PARP8: variants seen among roughly 807,000 people sequenced by gnomAD.
PARP8 encodes the protein poly(ADP-ribose) polymerase family member 8, also known as protein mono-ADP-ribosyltransferase PARP8.
Under a neutral mutation model 124.1 loss-of-function variants are expected in PARP8, and 51 were observed. That is an observed-to-expected ratio of 0.41 (90% CI 0.33 to 0.52). The LOEUF is 0.52. Among genes scored for constraint, PARP8 ranks in the 20% least tolerant of loss-of-function variants. The pLI, the probability that PARP8 is intolerant of heterozygous loss-of-function variation, is 0.21. For missense variants in PARP8, 860 were observed against 1,018.9 expected (o/e 0.84, Z 2.12); for synonymous variants, 391 against 361.5 (o/e 1.08, Z -0.93).
At chr5:50,698,596 AC>A (rs1753273257) in intron 2 of PARP8, among the ~76,000 whole-genome samples, 1 of 152,148 alleles carries the variant, frequency 6.6e-6, no homozygotes, top group African/African-American at 2.4e-5. Context: ...CCCCCAAAGC[AC>A]AGTGGAGAGC....
chr5:50,802,818 C>A (rs185343984), intron 14 of PARP8, among the ~76,000 whole-genome samples: 118 of 152,190 alleles, frequency 7.8e-4, no homozygotes, highest in African/African-American at 2.8e-3. Context: ...TCAAATGTAT[C>A]AATGTATTAT....
chr5:50,796,587 G>A (rs1235430082), intron 12 of PARP8, among the ~76,000 whole-genome samples: 3 of 152,170 alleles, frequency 2.0e-5, no homozygotes, highest in African/African-American at 7.2e-5. Flanking sequence ...GACACTTTCA[G>A]TAGCTGTCTA....
chr5:50,674,489 G>A (rs1750390137), intron 2 of PARP8, among the ~76,000 whole-genome samples: 1 of 152,172 alleles, frequency 6.6e-6, no homozygotes, highest in African/African-American at 2.4e-5. Context: ...TTGATTTTGA[G>A]TTTCTTATCC....
chr5:50,838,366 G>T (rs921056602), intron 25 of PARP8, among the ~76,000 whole-genome samples: 3 of 151,884 alleles, frequency 2.0e-5, no homozygotes, highest in Non-Finnish European at 4.4e-5. Context: ...ATATCAAAAG[G>T]TCATTAGTTC....
At chr5:50,704,026 G>A (rs2149479260) in intron 2 of PARP8, among the ~76,000 whole-genome samples, 1 of 151,860 alleles carries the variant, frequency 6.6e-6, no homozygotes, top group East Asian at 1.9e-4. Flanking sequence ...TTTTATTGTT[G>A]CTAATCTTTT....
At chr5:50,717,908 T>C (rs1561284103) in intron 2 of PARP8, among the ~76,000 whole-genome samples, 1 of 151,700 alleles carries the variant, frequency 6.6e-6, no homozygotes, top group African/African-American at 2.4e-5. Context: ...TTGTTGATTA[T>C]ACTAACAAGC....
At chr5:50,819,373 A>C (rs192611905) in intron 15 of PARP8, among the ~76,000 whole-genome samples, 33 of 148,020 alleles carry the variant, frequency 2.2e-4, no homozygotes, top group Non-Finnish European at 4.1e-4. Context: ...GAGCATATCC[A>C]TCTGTGTCAT....
chr5:50,775,855 A>G (rs1255091255), intron 7 of PARP8, among the ~76,000 whole-genome samples: 2 of 152,084 alleles, frequency 1.3e-5, no homozygotes, highest in Non-Finnish European at 2.9e-5. Context: ...GAACAATTTG[A>G]CGTCCTCTTT....
At chr5:50,756,423 A>AT (rs890516005) in intron 3 of PARP8, among the ~76,000 whole-genome samples, 16 of 151,762 alleles carry the variant, frequency 1.1e-4, no homozygotes, top group East Asian at 3.9e-4. Flanking sequence ...CTCTAAACAA[A>AT]TTTTTTTTTA....
chr5:50,718,259 T>C (rs572250468), intron 2 of PARP8, among the ~76,000 whole-genome samples: 9 of 152,152 alleles, frequency 5.9e-5, no homozygotes, highest in African/African-American at 2.2e-4. Context: ...AGGTAAGAGC[T>C]TTGATAAAAC....
chr5:50,673,068 C>G (rs1488838269), intron 2 of PARP8, among the ~76,000 whole-genome samples: 2 of 152,060 alleles, frequency 1.3e-5, no homozygotes, highest in African/African-American at 4.8e-5. Context: ...ACTTTCTCAC[C>G]ATACTTTTAT....
chr5:50,814,051 A>T (rs1310362314), intron 14 of PARP8, among the ~76,000 whole-genome samples: 1 of 152,134 alleles, frequency 6.6e-6, no homozygotes, highest in Non-Finnish European at 1.5e-5. Flanking sequence ...TTGATAAAAG[A>T]ATAAATTCCC....
chr5:50,826,742 A>T lies in PARP8; in HGVS notation c.1929-13A>T. Reference sequence around the variant, plus strand: ...GGCATGTATTTGTGACTAATGGATCATTTTAATTTCAGGGTTATATCAAGT... The same window carrying T: ...GGCATGTATTTGTGACTAATGGATCTTTTTAATTTCAGGGTTATATCAAGT... On this transcript the variant is annotated splice_polypyrimidine_tract_variant and intron_variant, in intron 18 of 25. Transcript: ENST00000281631. 1.9e-6 allele frequency: 3 copies of T among 1,578,714 alleles called. No homozygotes were observed. The highest frequency in any genetic ancestry group is 1.7e-6 in the Non-Finnish European group (2 of 1,168,692).
chr5:50,808,029 T>G (rs1744051715), intron 14 of PARP8, among the ~76,000 whole-genome samples: 1 of 151,982 alleles, frequency 6.6e-6, no homozygotes, highest in South Asian at 2.1e-4. Flanking sequence ...TATCCGGCAT[T>G]AAGCAGATGT....
At chr5:50,788,027 A>G (rs1018821418) in intron 9 of PARP8, among the ~76,000 whole-genome samples, 6 of 149,722 alleles carry the variant, frequency 4.0e-5, no homozygotes, top group African/African-American at 1.5e-4. Flanking sequence ...CTCATCTCCC[A>G]TTGTTTTATT....
chr5:50,767,716 T>G (rs574970496), intron 7 of PARP8, among the ~76,000 whole-genome samples: 2 of 152,326 alleles, frequency 1.3e-5, no homozygotes, highest in East Asian at 3.9e-4. Context: ...TGCAAATGCT[T>G]TAATCTGCCA....
intron 2 of PARP8, among the ~76,000 whole-genome samples, chr5:50,690,499 T>C (rs557972658): frequency 2.0e-4 from 31 of 152,312 alleles, no homozygotes; most frequent in Non-Finnish European, 2.9e-4. Context: ...TCCCTCCTTT[T>C]TTGAGGACTT....
At position 50,700,222 on chromosome 5, in the gene PARP8, G is replaced by A. The variant is rs531065593; in HGVS notation, c.146+32097G>A. Among the ~76,000 whole-genome samples the A allele has an allele frequency of 1.3e-3, 203 of 152,258 alleles. 1 individual carries two copies. The highest frequency in any genetic ancestry group is 4.8e-3 in the African/African-American group (199 of 41,560). ...ATTGCACTGGTTTAGGGGTGAAAAG[G>A]TAGTATTTTTTATCTGTTGCTACTA... On this transcript the variant is annotated intron_variant, in intron 2 of 25. Coordinates refer to ENST00000281631, the MANE Select transcript of PARP8 (RefSeq NM_024615.4).
intron 7 of PARP8, among the ~76,000 whole-genome samples, chr5:50,766,012 G>A (rs1276968004): frequency 6.6e-6 from 1 of 152,086 alleles, no homozygotes; most frequent in Non-Finnish European, 1.5e-5. Flanking sequence ...CGTCTAATGA[G>A]AAAGGCAGCT....
Sources: gnomAD v4.1 joint callset for allele counts (sites outside exome capture counted in the v4.1 genomes callset) on GRCh38, gnomAD v4.1.1 for gene constraint, MANE v1.5 for transcripts, NCBI Gene and HGNC (gene_info 2026-07-23, HGNC 2026-07-21) for gene names.